C6orf163: variants seen among roughly 807,000 people sequenced by gnomAD.
The protein encoded by C6orf163 is chromosome 6 open reading frame 163.
A neutral mutation model predicts 28.4 loss-of-function variants in C6orf163; 22 were observed. That is an observed-to-expected ratio of 0.78 (90% confidence interval 0.55 to 1.11). The LOEUF (loss-of-function observed/expected upper bound fraction) is 1.11. Ranked by LOEUF, C6orf163 falls within the 50% of genes least tolerant of loss-of-function variation. The pLI is 0.00. For synonymous variants in C6orf163, 110 were observed against 123.6 expected (o/e 0.89, Z 0.73); for missense variants, 342 against 389.1 (o/e 0.88, Z 1.02).
chr6:87,347,790 T>G, intron 1 of C6orf163: 5 of 985,536 alleles, frequency 5.1e-6, no homozygotes, highest in Non-Finnish European at 6.0e-6. Flanking sequence ...GCAGCTAGAC[T>G]TACTCCGGCA....
intron 1 of C6orf163, chr6:87,347,876 C>A: frequency 1.0e-6 from 1 of 985,386 alleles, no homozygotes; most frequent in African/African-American, 1.7e-5. Flanking sequence ...CAGAGGAAGA[C>A]CAGGCATGGT....
intron 3 of C6orf163, among the ~76,000 whole-genome samples, chr6:87,352,900 A>G (rs573847115): frequency 6.6e-6 from 1 of 152,304 alleles, no homozygotes; most frequent in East Asian, 1.9e-4. Flanking sequence ...CCTGTCAAAC[A>G]TCTGTACAGT....
intron 1 of C6orf163, among the ~76,000 whole-genome samples, chr6:87,347,133 C>T (rs1387617127): frequency 6.6e-6 from 1 of 152,180 alleles, no homozygotes; most frequent in African/African-American, 2.4e-5. Flanking sequence ...CTCTCTTCTC[C>T]CCAAACTTGA....
intron 1 of C6orf163, among the ~76,000 whole-genome samples, chr6:87,347,102 C>T (rs141005644): frequency 9.8e-5 from 15 of 152,306 alleles, no homozygotes; most frequent in Non-Finnish European, 8.8e-5. Context: ...GGAACTCCCT[C>T]GTGTTACCCC....
intron 4 of C6orf163, among the ~76,000 whole-genome samples, chr6:87,361,958 T>A (rs2127935606): frequency 6.6e-6 from 1 of 152,276 alleles, no homozygotes; most frequent in East Asian, 1.9e-4. Context: ...CTCACCCCAC[T>A]AAGATTCAGT....
At chr6:87,361,870 C>A (rs1022546510) in intron 4 of C6orf163, among the ~76,000 whole-genome samples, 1 of 152,112 alleles carries the variant, frequency 6.6e-6, no homozygotes, top group Non-Finnish European at 1.5e-5. Context: ...TCTTCCCAAC[C>A]CTCTCTTTTG....
chr6:87,356,955 G>A (rs2127933840), intron 4 of C6orf163: 1 of 153,896 alleles, frequency 6.5e-6, no homozygotes, highest in Middle Eastern at 3.4e-3. Flanking sequence ...TTGTGTTTGT[G>A]TTACTTTTTG....
At chr6:87,350,756 T>C (rs1777401020) in intron 3 of C6orf163, among the ~76,000 whole-genome samples, 1 of 152,188 alleles carries the variant, frequency 6.6e-6, no homozygotes, top group Non-Finnish European at 1.5e-5. Flanking sequence ...ACCCACACAC[T>C]GTCCATGACA....
intron 4 of C6orf163, chr6:87,358,329 CA>C (rs1777535814): frequency 6.6e-6 from 1 of 151,746 alleles, no homozygotes; most frequent in African/African-American, 2.4e-5. Context: ...AAAAAAAGTC[CA>C]GGGGCGGTGG....
Position 87,348,711 on chromosome 6 carries a change from G to A in C6orf163, c.149-101G>A, listed in dbSNP as rs569656623. ...ATATACTGGCATCTCCTAAAAGGAC[G>A]TGTCTCCTAAATAGCCCTCATAAAT... On this transcript the variant is annotated intron_variant, in intron 1 of 4. Transcript: ENST00000388923. The A allele has an allele frequency of 4.0e-5, 59 of 1,464,384 alleles. 1 individual carries two copies. The South Asian group carries it at 5.6e-4, about 14-fold the overall frequency. The allele number at this position is 1,464,384 out of a possible 1,614,324, so 90.7% of individuals were successfully genotyped here.
Position 87,345,125 on chromosome 6 carries a change from ACT to A in C6orf163, c.27_28del (p.Phe10CysfsTer7). 1.3e-6 allele frequency: 2 copies of A among 1,530,960 alleles called. No homozygotes were observed. The highest frequency in any genetic ancestry group is 1.7e-6 in the Non-Finnish European group (2 of 1,145,174). 94.8% of individuals were successfully genotyped at this position (1,530,960 alleles called of 1,614,324 possible). On this transcript the variant is annotated frameshift_variant, in exon 1 of 5. Coordinates refer to ENST00000388923, the MANE Select transcript of C6orf163 (RefSeq NM_001010868.3). LOFTEE classifies it high-confidence loss of function. ...ATGATCAGAAATTCAGATTACAAAA[ACT>A]TTGTTTGCTGTGCTGTTTGTAATAA...
intron 1 of C6orf163, among the ~76,000 whole-genome samples, chr6:87,347,172 A>G (rs577874214): frequency 3.3e-5 from 5 of 152,316 alleles, no homozygotes; most frequent in African/African-American, 9.6e-5. Context: ...TCTGTTCTCT[A>G]TCACTATAAT....
chr6:87,349,720 C>T (rs1777382001), intron 2 of C6orf163, among the ~76,000 whole-genome samples: 2 of 152,196 alleles, frequency 1.3e-5, no homozygotes, highest in Non-Finnish European at 2.9e-5. Context: ...TTTGAACATA[C>T]ATAATGCTCC....
At position 87,345,239 on chromosome 6, in the gene C6orf163, A is replaced by G. The variant is rs1285229794; in HGVS notation, c.140A>G (p.Asp47Gly). 1 of 1,523,438 alleles carries G rather than the reference A, an allele frequency of 6.6e-7. No homozygotes were observed. Among genetic ancestry groups the G allele is most frequent in the Non-Finnish European group, 8.7e-7 (1 of 1,143,382 alleles). The allele number at this position is 1,523,438 out of a possible 1,614,324, so 94.4% of individuals were successfully genotyped here. The change falls in exon 1 of 5, where the codon GAC (aspartate) becomes GGC (glycine). Residue 47 changes from aspartate to glycine, a missense_variant. Transcript: ENST00000388923. Reference sequence around the variant, plus strand: ...AAGACACGCTTTTACACTCACAAAGACATACTAGGTAAGTGACTTTATCGT... The same window carrying G: ...AAGACACGCTTTTACACTCACAAAGGCATACTAGGTAAGTGACTTTATCGT... ...PLKTRFYTHK[D>G]ILDIGANILK...
chr6:87,354,290 A>G (rs975001222), intron 3 of C6orf163, among the ~76,000 whole-genome samples: 3 of 152,232 alleles, frequency 2.0e-5, no homozygotes, highest in African/African-American at 7.2e-5. Context: ...TCTTTGAAGA[A>G]AAGAAAAAAT....
At chr6:87,355,781 CTG>C (rs1198358757) in intron 3 of C6orf163, among the ~76,000 whole-genome samples, 1 of 152,136 alleles carries the variant, frequency 6.6e-6, no homozygotes, top group Non-Finnish European at 1.5e-5. Flanking sequence ...GCCAGGCACA[CTG>C]TGGATTTCCA....
intron 3 of C6orf163, among the ~76,000 whole-genome samples, chr6:87,352,838 A>G (rs1479829009): frequency 3.3e-5 from 5 of 152,164 alleles, no homozygotes; most frequent in African/African-American, 9.7e-5. Flanking sequence ...AGATATTCCT[A>G]GTTATGAAAC....
At chr6:87,350,831 T>G (rs1361804447) in intron 3 of C6orf163, among the ~76,000 whole-genome samples, 3 of 152,208 alleles carry the variant, frequency 2.0e-5, no homozygotes, top group Non-Finnish European at 4.4e-5. Flanking sequence ...GGTTAGTTGT[T>G]GAGTGTCTGA....
intron 1 of C6orf163, chr6:87,348,170 T>C (rs1582103972): frequency 1.0e-6 from 1 of 980,570 alleles, no homozygotes; most frequent in African/African-American, 1.8e-5. Flanking sequence ...AAAAGAGAAA[T>C]CCCAGTGGAA....
Sources: allele counts gnomAD v4.1 joint callset (sites outside exome capture counted in the v4.1 genomes callset), GRCh38; gene constraint gnomAD v4.1.1; transcripts MANE v1.5; gene names NCBI Gene and HGNC (gene_info 2026-07-23, HGNC 2026-07-21).